The following NUP58 variants were observed in gnomAD, a reference collection of about 807,000 sequenced individuals.
The protein encoded by NUP58 is nucleoporin 58.
NUP58 carries 17 observed loss-of-function variants against 70.1 expected under a neutral mutation model. The observed-to-expected ratio is 0.24, with a 90% CI of 0.17 to 0.36. NUP58 has a LOEUF of 0.36. Among genes scored for constraint, NUP58 ranks in the 10% least tolerant of loss-of-function variants. The pLI is 1.00. For missense variants in NUP58, 644 were observed against 701.5 expected (o/e 0.92, Z 0.93); for synonymous variants, 275 against 257.6 (o/e 1.07, Z -0.65).
At position 25,303,039 on chromosome 13, in the gene NUP58, C is replaced by T. The variant is rs576990382; in HGVS notation, c.107+1159C>T. ...AAGAGTCTTGCTCTCTTGATCCTTA[C>T]ATTCTTATGAAAATAATTTTGATTC... On this transcript the variant is annotated intron_variant, in intron 1 of 15. Transcript: ENST00000381736. 4.5e-4 allele frequency: 204 copies of T among 456,438 alleles called. 1 individual carries two copies. The highest frequency in any genetic ancestry group is 3.8e-3 in the African/African-American group (191 of 50,140). The allele number at this position is 456,438 out of a possible 1,614,324, so 28.3% of individuals were successfully genotyped here. A position where few individuals can be genotyped will look rare whatever the true frequency, so the allele number is the denominator to read the frequency against.
intron 5 of NUP58, 86 bp downstream of exon 5, chr13:25,313,837 T>C: frequency 9.3e-7 from 1 of 1,075,070 alleles, no homozygotes; most frequent in Non-Finnish European, 1.3e-6. Context: ...AGCAGGTCAC[T>C]TTTTAATCTG....
intron 4 of NUP58, 65 bp downstream of exon 4, chr13:25,313,097 A>G (rs530974242): frequency 1.4e-5 from 22 of 1,520,052 alleles, no homozygotes; most frequent in Non-Finnish European, 1.8e-5. Context: ...GTTAGAGAAC[A>G]TAGATAGTCA....
intron 13 of NUP58, chr13:25,333,498 A>C: frequency 1.0e-6 from 1 of 985,412 alleles, no homozygotes; most frequent in Middle Eastern, 5.2e-4. Context: ...TTATTAACCT[A>C]AACAACCTTA....
rs1405810260 is a variant in NUP58 at position 25,337,031 on chromosome 13, G to GGA, written c.1533_1534dup (p.Gly512GlufsTer56). 6.3e-7 allele frequency: 1 copy of GGA among 1,590,152 alleles called. No individual in the cohort carries two copies. On this transcript the variant is annotated frameshift_variant, in exon 14 of 16. Transcript: ENST00000381736. LOFTEE classifies it high-confidence loss of function. ...AAGTGGCTTAGGTTCTTCAAACCTT[G>GGA]GAGGTACACTTTAACTTTTCTAATA...
Position 25,339,971 on chromosome 13 carries a change from G to A in NUP58, c.1637G>A (p.Gly546Asp). The A allele has an allele frequency of 1.0e-5, 16 of 1,592,846 alleles. No homozygotes were observed. Among genetic ancestry groups the A allele is most frequent in the Non-Finnish European group, 1.4e-5 (16 of 1,172,400 alleles). The stretch of plus-strand genomic sequence containing the variant: ...TTTTTTCCCTAAACATAAGGCTTTG[G>A]CAGCTCAAGTACATCTGGGTTTAAC... The part of the protein sequence containing the change: ...KPSGSLSAGF[G>D]SSSTSGFNFS... The change falls in exon 16 of 16, where the codon GGC becomes GAC. Residue 546 changes from glycine to aspartate, a missense_variant. Coordinates refer to ENST00000381736, the MANE Select transcript of NUP58 (RefSeq NM_014089.4).
In NUP58 at chr13:25,305,145, T is replaced by TGTTTGTTTG. The variant is rs777661901; in HGVS notation, c.108-2661_108-2660insGTTTGTTTG. On this transcript the variant is annotated intron_variant, in intron 1 of 15. Coordinates refer to ENST00000381736, the MANE Select transcript of NUP58 (RefSeq NM_014089.4). ...GATCTGTGGGGTTTTTTTTTTTTTTTTTTTTTTTTTTTTTTTGAGACAGGG... is the reference window on the plus strand; with the variant it reads ...GATCTGTGGGGTTTTTTTTTTTTTTTGTTTGTTTGTTTTTTTTTTTTTTTTGAGACAGGG... Among the ~76,000 whole-genome samples, 80 of 55,288 alleles carry TGTTTGTTTG rather than the reference T, an allele frequency of 1.4e-3. 1 individual carries two copies. Among genetic ancestry groups the TGTTTGTTTG allele is most frequent in the African/African-American group, 2.7e-3 (66 of 24,240 alleles). The allele number at this position is 55,288 out of a possible 152,430, so 36.3% of individuals were successfully genotyped here.
At chr13:25,316,272 A>C (rs1336179937) in intron 6 of NUP58, among the ~76,000 whole-genome samples, 11 of 152,124 alleles carry the variant, frequency 7.2e-5, no homozygotes, top group Non-Finnish European at 1.5e-5. Context: ...CATTTTGAAA[A>C]TGTTTTCATT....
chr13:25,323,001 T>C (rs575918631), intron 9 of NUP58, among the ~76,000 whole-genome samples: 1 of 152,224 alleles, frequency 6.6e-6, no homozygotes, highest in African/African-American at 2.4e-5. Context: ...AAGTGAATGC[T>C]GTAATGGGAC....
chr13:25,345,925 A>C (rs1360384786), downstream of NUP58, among the ~76,000 whole-genome samples: 1 of 152,124 alleles, frequency 6.6e-6, no homozygotes, highest in African/African-American at 2.4e-5. Flanking sequence ...TTTTCTACCT[A>C]GTCTATTTGT....
intron 13 of NUP58, chr13:25,331,841 G>T: frequency 8.3e-7 from 1 of 1,211,762 alleles, no homozygotes; most frequent in Non-Finnish European, 1.0e-6. Context: ...TGTTTCACTA[G>T]TGAATTACAT....
Position 25,325,050 on chromosome 13 carries a change from A to G in NUP58, c.1013A>G (p.Glu338Gly). The change falls in exon 10 of 16, where the codon GAA becomes GGA. Residue 338 changes from glutamate to glycine, a missense_variant. Glu to Gly is a moderately conservative substitution (Grantham distance 98). Around this residue, in one of 4 missense-constraint regions of NUP58, gnomAD observed 430 missense variants for 409.2 expected, o/e 1.05. Transcript: ENST00000381736. ...TQKTPPGLQH[E>G]YAAPADYFRI... The stretch of plus-strand genomic sequence containing the variant: ...AAGACACCACCTGGACTTCAACATG[A>G]ATATGCAGCTCCTGCTGAGTAAGTT... The G allele has an allele frequency of 6.2e-7, 1 of 1,610,388 alleles. No individual in the cohort carries two copies. The highest frequency in any genetic ancestry group is 2.2e-5 in the East Asian group (1 of 44,798).
At chr13:25,318,873 A>C (rs182206659) in intron 6 of NUP58, among the ~76,000 whole-genome samples, 12 of 152,332 alleles carry the variant, frequency 7.9e-5, no homozygotes, top group Non-Finnish European at 1.3e-4. Flanking sequence ...ATAGGGCCTT[A>C]AAAAGTGTCA....
chr13:25,313,783 A>G (rs769120133), intron 5 of NUP58, 32 bp downstream of exon 5: 38 of 1,459,498 alleles, frequency 2.6e-5, no homozygotes, highest in Non-Finnish European at 3.3e-5. Context: ...CCAGAATAGT[A>G]AATATTTATA....
At chr13:25,307,009 C>T (rs1176325769) in intron 1 of NUP58, among the ~76,000 whole-genome samples, 1 of 152,120 alleles carries the variant, frequency 6.6e-6, no homozygotes, top group Non-Finnish European at 1.5e-5. Context: ...CTCTCCCCAA[C>T]ACCACATTGC....
At chr13:25,313,095 A>G (rs1306066337) in intron 4 of NUP58, 63 bp downstream of exon 4, 1 of 1,530,094 alleles carries the variant, frequency 6.5e-7, no homozygotes, top group Non-Finnish European at 8.9e-7. Context: ...TGGTTAGAGA[A>G]CATAGATAGT....
At chr13:25,311,803 G>GT (rs1452153647) in intron 3 of NUP58, among the ~76,000 whole-genome samples, 1 of 151,746 alleles carries the variant, frequency 6.6e-6, no homozygotes, top group African/African-American at 2.4e-5. Context: ...CTAAGCTAAG[G>GT]TTTTTAAGGA....
intron 14 of NUP58, among the ~76,000 whole-genome samples, chr13:25,337,555 C>G (rs1030405289): frequency 1.8e-4 from 28 of 152,098 alleles, no homozygotes; most frequent in Admixed American, 3.3e-4. Context: ...TATTTTAATA[C>G]TTTCATAAGG....
intron 1 of NUP58, among the ~76,000 whole-genome samples, chr13:25,304,502 A>G (rs867634947): frequency 1.1e-5 from 1 of 94,292 alleles, no homozygotes; most frequent in African/African-American, 3.4e-5. Context: ...ATATATATAT[A>G]TATATATATA....
At chr13:25,304,478 T>TTATATATAAATATA (rs2030193114) in intron 1 of NUP58, among the ~76,000 whole-genome samples, 1 of 83,408 alleles carries the variant, frequency 1.2e-5, no homozygotes, top group African/African-American at 5.4e-5. Context: ...GTTGTCAAGA[T>TTATATATAAATATA]TATATATATA....
Sources: gnomAD v4.1 joint callset for allele counts (sites outside exome capture counted in the v4.1 genomes callset) on GRCh38, gnomAD v4.1.1 for gene constraint, gnomAD v4.1.1 regional missense constraint, MANE v1.5 for transcripts, NCBI Gene and HGNC (gene_info 2026-07-23, HGNC 2026-07-21) for gene names.